The following TNFSF4 variants were observed in gnomAD, a reference collection of about 807,000 sequenced individuals.
TNFSF4 encodes TNF superfamily member 4, also known as tumor necrosis factor ligand superfamily member 4.
Under a neutral mutation model 7.3 loss-of-function variants are expected in TNFSF4, and 4 were observed. That is an observed-to-expected ratio of 0.55 (90% confidence interval 0.27 to 1.25). The LOEUF (loss-of-function observed/expected upper bound fraction) is 1.25. TNFSF4 is among the 50% of genes most tolerant of loss of function. The probability of loss-of-function intolerance (pLI) is 0.12; values close to 1 mark genes in which losing one functional copy is unlikely to be tolerated. For missense variants in TNFSF4, 181 were observed against 208.8 expected (o/e 0.87, Z 0.82); for synonymous variants, 76 against 83.7 (o/e 0.91, Z 0.50).
At chr1:173,391,764 T>C in the TNFSF4 span, among the ~76,000 whole-genome samples, 1 of 152,158 alleles carries the variant, frequency 6.6e-6, no homozygotes, top group African/African-American at 2.4e-5. Context: ...CCATGAAATA[T>C]ATGTAGCAAT....
chr1:173,228,435 C>A, the TNFSF4 span, among the ~76,000 whole-genome samples: 2 of 152,138 alleles, frequency 1.3e-5, no homozygotes, highest in Non-Finnish European at 2.9e-5. Flanking sequence ...TATACGTCAC[C>A]ATCATCAAAG....
chr1:173,251,280 G>A, the TNFSF4 span, among the ~76,000 whole-genome samples: 2 of 152,200 alleles, frequency 1.3e-5, no homozygotes, highest in African/African-American at 4.8e-5. Flanking sequence ...TTTAACTGCA[G>A]GTTCTGTACA....
At chr1:173,300,592 G>A in the TNFSF4 span, among the ~76,000 whole-genome samples, 1 of 151,808 alleles carries the variant, frequency 6.6e-6, no homozygotes, top group Admixed American at 6.6e-5. Context: ...GATTTGCGAT[G>A]CTACAGGCAT....
chr1:173,384,142 T>C, the TNFSF4 span, among the ~76,000 whole-genome samples: 1 of 152,196 alleles, frequency 6.6e-6, no homozygotes, highest in Non-Finnish European at 1.5e-5. Context: ...TAAATATTTA[T>C]TGCATGCTAA....
downstream of TNFSF4, among the ~76,000 whole-genome samples, chr1:173,182,366 A>G (rs563015022): frequency 2.3e-4 from 35 of 152,342 alleles, no homozygotes; most frequent in Middle Eastern, 6.8e-3. Flanking sequence ...TATTTTGAGC[A>G]TACTAAGTAG....
At chr1:173,268,790 A>T in the TNFSF4 span, among the ~76,000 whole-genome samples, 1 of 152,278 alleles carries the variant, frequency 6.6e-6, no homozygotes, top group Admixed American at 6.5e-5. Context: ...GGATGGGGAA[A>T]GATATATCAT....
At chr1:173,295,006 C>G in the TNFSF4 span, among the ~76,000 whole-genome samples, 1 of 151,948 alleles carries the variant, frequency 6.6e-6, no homozygotes. Context: ...AAAAGATGCT[C>G]ATCATAATTA....
chr1:173,409,852 T>C, the TNFSF4 span, among the ~76,000 whole-genome samples: 1 of 152,238 alleles, frequency 6.6e-6, no homozygotes, highest in African/African-American at 2.4e-5. Context: ...CCATGCTTCC[T>C]GATCTAGGCT....
the TNFSF4 span, among the ~76,000 whole-genome samples, chr1:173,232,349 C>T: frequency 7.4e-4 from 112 of 152,248 alleles, no homozygotes; most frequent in African/African-American, 2.6e-3. Context: ...AGTTGGTTAT[C>T]AGCTTAAGTA....
chr1:173,194,466 G>A (rs1332662750), intron 1 of TNFSF4, among the ~76,000 whole-genome samples: 2 of 152,192 alleles, frequency 1.3e-5, no homozygotes, highest in Non-Finnish European at 2.9e-5. Context: ...GGCTTTGACA[G>A]CACAAGGAGG....
the TNFSF4 span, among the ~76,000 whole-genome samples, chr1:173,366,491 G>C: frequency 6.6e-6 from 1 of 152,072 alleles, no homozygotes; most frequent in African/African-American, 2.4e-5. Context: ...TGGAGGGGTT[G>C]AAGGAAACAG....
chr1:173,261,827 G>A, the TNFSF4 span, among the ~76,000 whole-genome samples: 1 of 150,936 alleles, frequency 6.6e-6, no homozygotes, highest in Non-Finnish European at 1.5e-5. Flanking sequence ...TGAAAATGAG[G>A]CAGTAATAAA....
chr1:173,174,845 T>C, the TNFSF4 span, among the ~76,000 whole-genome samples: 1 of 152,308 alleles, frequency 6.6e-6, no homozygotes, highest in East Asian at 1.9e-4. Flanking sequence ...GTCACTTCTA[T>C]AGAATTTTCA....
the TNFSF4 span, among the ~76,000 whole-genome samples, chr1:173,219,255 T>C: frequency 6.6e-6 from 1 of 152,222 alleles, no homozygotes; most frequent in African/African-American, 2.4e-5. Context: ...TTAAATTCTT[T>C]ATCACTGCAT....
At chr1:173,196,915 C>G (rs1350114243) in intron 1 of TNFSF4, among the ~76,000 whole-genome samples, 1 of 152,206 alleles carries the variant, frequency 6.6e-6, no homozygotes, top group Non-Finnish European at 1.5e-5. Flanking sequence ...TCAGCTTAGT[C>G]TCTAAGCTAC....
chr1:173,390,652 A>G, the TNFSF4 span, among the ~76,000 whole-genome samples: 276 of 151,294 alleles, frequency 1.8e-3, 1 homozygote, highest in South Asian at 8.3e-3. Context: ...CTAAATCACT[A>G]TATTTCTTCA....
the TNFSF4 span, among the ~76,000 whole-genome samples, chr1:173,233,660 T>C: frequency 1.4e-4 from 21 of 152,338 alleles, no homozygotes; most frequent in African/African-American, 4.8e-4. Context: ...AGTGTTTTTA[T>C]TCACATAAGT....
chr1:173,394,612 A>C, the TNFSF4 span, among the ~76,000 whole-genome samples: 2 of 152,328 alleles, frequency 1.3e-5, no homozygotes, highest in East Asian at 3.9e-4. Flanking sequence ...GGCATGAATA[A>C]AACAAAAGGT....
At chr1:173,332,152 A>T in the TNFSF4 span, among the ~76,000 whole-genome samples, 2 of 152,138 alleles carry the variant, frequency 1.3e-5, no homozygotes, top group Non-Finnish European at 2.9e-5. Flanking sequence ...GACATCTCCT[A>T]GGTATGCCTG....
Sources: gnomAD v4.1 joint callset for allele counts (sites outside exome capture counted in the v4.1 genomes callset) on GRCh38, gnomAD v4.1.1 for gene constraint, MANE v1.5 for transcripts, NCBI Gene and HGNC (gene_info 2026-07-23, HGNC 2026-07-21) for gene names.